The following RASSF3 variants were observed in gnomAD, a reference collection of about 807,000 sequenced individuals.
RASSF3 encodes Ras association domain family member 3.
Under a neutral mutation model 19.9 loss-of-function variants are expected in RASSF3, and 19 were observed. The ratio of observed to expected loss-of-function variants is 0.96; its 90% CI spans 0.67 to 1.40. The LOEUF (loss-of-function observed/expected upper bound fraction) is 1.40, where lower values mean the gene tolerates loss of function less well. RASSF3 is among the 40% of genes most tolerant of loss of function. The pLI, the probability that RASSF3 is intolerant of heterozygous loss-of-function variation, is 0.00. For synonymous variants in RASSF3, 110 were observed against 104.2 expected, an observed-to-expected ratio of 1.06 and a Z score of -0.34; for missense variants, 306 against 289.8, an observed-to-expected ratio of 1.06 and a Z score of -0.41.
downstream of RASSF3, among the ~76,000 whole-genome samples, chr12:64,542,941 G>T (rs1041474025): frequency 6.6e-6 from 1 of 152,136 alleles, no homozygotes; most frequent in Non-Finnish European, 1.5e-5. Context: ...GGAGAGGCAC[G>T]GGCGGGAACC....
chr12:64,611,040 C>G (rs1870339219), intron 1 of RASSF3, among the ~76,000 whole-genome samples: 1 of 152,220 alleles, frequency 6.6e-6, no homozygotes, highest in African/African-American at 2.4e-5. Context: ...GGAGCAGCCC[C>G]GGAGCCAGCA....
upstream of RASSF3, among the ~76,000 whole-genome samples, chr12:64,606,398 G>A (rs1273810907): frequency 3.9e-5 from 6 of 152,236 alleles, no homozygotes; most frequent in East Asian, 3.8e-4. Context: ...GGGCAAGAAA[G>A]ATGAATATTT....
chr12:64,520,273 A>T (rs1048656514), intron 1 of RASSF3, among the ~76,000 whole-genome samples: 10 of 149,700 alleles, frequency 6.7e-5, no homozygotes, highest in Non-Finnish European at 1.5e-4. Context: ...GGTTCAAGCG[A>T]TTCTTCTGCC....
At chr12:64,522,158 A>G (rs1868491029) in intron 1 of RASSF3, among the ~76,000 whole-genome samples, 1 of 152,244 alleles carries the variant, frequency 6.6e-6, no homozygotes, top group Non-Finnish European at 1.5e-5. Context: ...AGATCTGGGA[A>G]GCTCAGTCAA....
intron 1 of RASSF3, among the ~76,000 whole-genome samples, chr12:64,649,582 G>A (rs1285375766): frequency 6.6e-6 from 1 of 152,172 alleles, no homozygotes; most frequent in Non-Finnish European, 1.5e-5. Flanking sequence ...ATGGTCCTAG[G>A]GTACCCGGTT....
At chr12:64,619,979 CAAAA>C (rs67795096) in intron 1 of RASSF3, among the ~76,000 whole-genome samples, 2 of 102,192 alleles carry the variant, frequency 2.0e-5, no homozygotes, top group African/African-American at 8.1e-5. Context: ...GACTTTATAT[CAAAA>C]AAAAAAAAAA....
In RASSF3 at chr12:64,658,492, T is replaced by C. The variant is rs187902027; in HGVS notation, c.112-26295T>C. On this transcript the variant is annotated intron_variant, in intron 1 of 4. Transcript: ENST00000542104. ...GGTTATGGAGCACTGTCTAAACTAGTGAAAGTAAATTTAATAAGAAGGAAT... is the reference window on the plus strand; with the variant it reads ...GGTTATGGAGCACTGTCTAAACTAGCGAAAGTAAATTTAATAAGAAGGAAT... Among the ~76,000 whole-genome samples, 6 of 152,262 alleles carry C rather than the reference T, an allele frequency of 3.9e-5. No individual in the cohort carries two copies. In the East Asian group the frequency reaches 9.7e-4, roughly 24 times the overall value.
At chr12:64,628,580 C>T (rs1438445364) in intron 1 of RASSF3, 1 of 151,248 alleles carries the variant, frequency 6.6e-6, no homozygotes, top group African/African-American at 2.4e-5. Context: ...CACTGCAACC[C>T]CACCTCCCAG....
At chr12:64,538,774 T>C (rs942601048) in intron 1 of RASSF3, among the ~76,000 whole-genome samples, 4 of 152,192 alleles carry the variant, frequency 2.6e-5, no homozygotes, top group African/African-American at 7.2e-5. Flanking sequence ...CCGGGTGCCA[T>C]GGCTCATGCC....
rs555239048 is a variant in RASSF3 at position 64,632,924 on chromosome 12, A to C, written c.111+22181A>C. On this transcript the variant is annotated intron_variant, in intron 1 of 4. Coordinates refer to ENST00000542104, the MANE Select transcript of RASSF3 (RefSeq NM_178169.4). ...CACAGACCATTTGAGTGTATTTTTA[A>C]CTTTCTTAGAAAAAAAGTCTTTGAA... 2.6e-5 allele frequency among the ~76,000 whole-genome samples: 4 copies of C among 152,280 alleles called. No individual in the cohort carries two copies. In the South Asian group the frequency reaches 8.3e-4, roughly 32 times the overall value.
At chr12:64,523,270 G>A (rs1196759859) in intron 1 of RASSF3, among the ~76,000 whole-genome samples, 3 of 152,086 alleles carry the variant, frequency 2.0e-5, no homozygotes, top group Admixed American at 6.5e-5. Context: ...GCCGGGCATG[G>A]TGTTGGGCAC....
intron 1 of RASSF3, among the ~76,000 whole-genome samples, chr12:64,642,710 TAGTG>T (rs1048321180): frequency 1.1e-4 from 16 of 150,590 alleles, no homozygotes; most frequent in African/African-American, 3.7e-4. Context: ...AACTTTGTAA[TAGTG>T]AGAAGTTTGG....
intron 2 of RASSF3, among the ~76,000 whole-genome samples, chr12:64,587,994 G>A (rs1053896524): frequency 6.6e-6 from 1 of 152,178 alleles, no homozygotes; most frequent in African/African-American, 2.4e-5. Context: ...TAGTTTATCA[G>A]GAAAGAGCGA....
chr12:64,518,327 C>T (rs1463408736), intron 1 of RASSF3, among the ~76,000 whole-genome samples: 1 of 152,120 alleles, frequency 6.6e-6, no homozygotes, highest in Non-Finnish European at 1.5e-5. Context: ...GCTATATTGG[C>T]CCATGGTTCT....
chr12:64,644,324 C>T (rs1330100102), intron 1 of RASSF3, among the ~76,000 whole-genome samples: 1 of 152,168 alleles, frequency 6.6e-6, no homozygotes, highest in Non-Finnish European at 1.5e-5. Context: ...TTGAATTGAG[C>T]AGCAGAGGTT....
At chr12:64,656,046 ATTATAAATCC>A (rs1872147419) in intron 1 of RASSF3, among the ~76,000 whole-genome samples, 1 of 149,124 alleles carries the variant, frequency 6.7e-6, no homozygotes, top group Non-Finnish European at 1.5e-5. Flanking sequence ...AAAAAAAAAA[ATTATAAATCC>A]TTTTTATTCC....
At chr12:64,512,289 C>A (rs1273238487) in intron 1 of RASSF3, among the ~76,000 whole-genome samples, 1 of 152,140 alleles carries the variant, frequency 6.6e-6, no homozygotes, top group Non-Finnish European at 1.5e-5. Context: ...GATGACATCA[C>A]AAAATCTGTT....
intron 2 of RASSF3, among the ~76,000 whole-genome samples, chr12:64,593,730 T>C (rs752417142): frequency 3.9e-5 from 6 of 152,108 alleles, no homozygotes; most frequent in Non-Finnish European, 8.8e-5. Context: ...TGAAATCCTG[T>C]AGCAAAGCTG....
intron 2 of RASSF3, among the ~76,000 whole-genome samples, chr12:64,577,362 G>A (rs1869612064): frequency 6.6e-6 from 1 of 152,212 alleles, no homozygotes. Flanking sequence ...AAAAATTAAT[G>A]AGGTGCATTT....
Sources: gnomAD v4.1 joint callset for allele counts (sites outside exome capture counted in the v4.1 genomes callset) on GRCh38, gnomAD v4.1.1 for gene constraint, MANE v1.5 for transcripts, NCBI Gene and HGNC (gene_info 2026-07-23, HGNC 2026-07-21) for gene names.